POTEC: variants seen among roughly 807,000 people sequenced by gnomAD.
POTEC encodes the protein ANKRD26-like family B member 2.
Under a neutral mutation model 62.0 loss-of-function variants are expected in POTEC, and 35 were observed. The ratio of observed to expected loss-of-function variants is 0.56; its 90% CI spans 0.43 to 0.75. POTEC has a LOEUF of 0.75. Among genes scored for constraint, POTEC ranks in the 30% least tolerant of loss-of-function variants. The pLI is 0.00. For synonymous variants in POTEC, 156 were observed against 221.5 expected (o/e 0.70, Z 2.62); for missense variants, 472 against 655.9 (o/e 0.72, Z 3.06).
chr18:14,542,944 C>T lies in POTEC; in HGVS notation c.203G>A (p.Cys68Tyr), dbSNP rs1906002933. 6.4e-7 allele frequency: 1 copy of T among 1,554,648 alleles called. No individual in the cohort carries two copies. The highest frequency in any genetic ancestry group is 1.4e-5 in the African/African-American group (1 of 72,352). The change falls in exon 1 of 11, where the codon TGC (cysteine) becomes TAC (tyrosine). Residue 68 changes from cysteine to tyrosine, a missense_variant. Transcript: ENST00000358970. ...GCCGCTCCCCCTGCAGCAGGGGAAG[C>T]AGTGGTGGCAACACTTGCCCATCTT... ...RSKMGKCCHH[C>Y]FPCCRGSGTS...
chr18:14,517,087 AT>A (rs961545162), intron 9 of POTEC, among the ~76,000 whole-genome samples: 72 of 148,982 alleles, frequency 4.8e-4, no homozygotes, highest in African/African-American at 1.5e-3. Context: ...AGAAATATGT[AT>A]TTTTTTAAAA....
chr18:14,542,314 T>C (rs1332940818), intron 1 of POTEC, among the ~76,000 whole-genome samples: 4 of 152,220 alleles, frequency 2.6e-5, no homozygotes, highest in Non-Finnish European at 4.4e-5. Context: ...CTATAGTGTA[T>C]AGAACATTGT....
rs1905693039 is a variant in POTEC at position 14,535,796 on chromosome 18, C to T, written c.811-789G>A. Among the ~76,000 whole-genome samples, 2 of 151,686 alleles carry T rather than the reference C, an allele frequency of 1.3e-5. 1 individual carries two copies. The highest frequency in any genetic ancestry group is 4.1e-4 in the South Asian group (2 of 4,822). ...TGACCTAAGCACTTGAATGATTGAACAAAGGGACACAAAGTCCTGAGAGAG... is the reference window on the plus strand; with the variant it reads ...TGACCTAAGCACTTGAATGATTGAATAAAGGGACACAAAGTCCTGAGAGAG... On this transcript the variant is annotated intron_variant, in intron 3 of 10. Transcript: ENST00000358970.
chr18:14,524,868 G>T, intron 7 of POTEC, 45 bp downstream of exon 7: 1 of 1,593,334 alleles, frequency 6.3e-7, no homozygotes, highest in Non-Finnish European at 8.5e-7. Flanking sequence ...TTAAAGCAAA[G>T]AAAACAACAT....
At chr18:14,532,122 A>G (rs1249132444) in intron 5 of POTEC, among the ~76,000 whole-genome samples, 1 of 151,770 alleles carries the variant, frequency 6.6e-6, no homozygotes, top group Non-Finnish European at 1.5e-5. Flanking sequence ...AGAAGAAACA[A>G]ACACTGATCT....
Position 14,517,611 on chromosome 18 carries a change from C to G in POTEC, c.1410-3826G>C, listed in dbSNP as rs9963432. ...GCGCAGTGGCTCATGCCTGTAATCC[C>G]AGCACTTTGAAAGGCCGAAGTGGGT... On this transcript the variant is annotated intron_variant, in intron 9 of 10. Transcript: ENST00000358970. 7.8e-3 allele frequency among the ~76,000 whole-genome samples: 1,185 copies of G among 152,068 alleles called. 18 individuals carry two copies. The highest frequency in any genetic ancestry group is 0.027 in the African/African-American group (1,130 of 41,458).
chr18:14,534,159 G>A (rs998525301), intron 4 of POTEC, among the ~76,000 whole-genome samples: 1 of 139,322 alleles, frequency 7.2e-6, no homozygotes, highest in Non-Finnish European at 1.5e-5. Flanking sequence ...CCACCTATGA[G>A]TGAGAATATG....
At chr18:14,512,960 T>TTC (rs1381651022) in intron 10 of POTEC, among the ~76,000 whole-genome samples, 1 of 152,240 alleles carries the variant, frequency 6.6e-6, no homozygotes. Flanking sequence ...AAGGCTTTTC[T>TTC]TAGAAATCAT....
At position 14,542,698 on chromosome 18, in the gene POTEC, C is replaced by T. The variant is rs1373735568; in HGVS notation, c.449G>A (p.Gly150Asp). ...GATGAGATCCTTTCTGGGGACCTTA[C>T]CCCACCAGGCAGCTCTGTGGAGCTT... is the stretch of plus-strand genomic sequence containing the variant. ...LDKLHRAAWWGKVPRKDLIVM... is the reference protein window; with the variant it reads ...LDKLHRAAWWDKVPRKDLIVM... The change falls in exon 1 of 11, where the codon GGT becomes GAT. Residue 150 changes from glycine (G) to aspartate (D), a missense_variant. Gly to Asp is a moderately conservative substitution (Grantham distance 94). Around this residue, in one of 5 missense-constraint regions of POTEC, gnomAD observed 257 missense variants for 250.7 expected, o/e 1.03. Transcript: ENST00000358970. 2 of 1,612,968 alleles carry T rather than the reference C, an allele frequency of 1.2e-6. No individual in the cohort carries two copies. Among genetic ancestry groups the T allele is most frequent in the East Asian group, 2.2e-5 (1 of 44,856 alleles).
chr18:14,514,620 G>C (rs1264656525), intron 9 of POTEC, among the ~76,000 whole-genome samples: 2 of 152,084 alleles, frequency 1.3e-5, no homozygotes, highest in Non-Finnish European at 1.5e-5. Flanking sequence ...GTATGAGAGA[G>C]AGATGTGAAA....
chr18:14,537,214 A>AAC (rs1905764921), intron 3 of POTEC, among the ~76,000 whole-genome samples: 1 of 73,112 alleles, frequency 1.4e-5, no homozygotes, highest in African/African-American at 5.8e-5. Context: ...CACACACAAA[A>AAC]AAAAAAAAAA....
intron 9 of POTEC, among the ~76,000 whole-genome samples, chr18:14,521,200 A>G (rs1166312479): frequency 3.9e-5 from 6 of 152,198 alleles, no homozygotes; most frequent in Admixed American, 1.3e-4. Context: ...GGCACTGACA[A>G]CAAAAATTTA....
intron 9 of POTEC, among the ~76,000 whole-genome samples, chr18:14,519,698 C>A (rs1910258479): frequency 6.6e-6 from 1 of 152,090 alleles, no homozygotes; most frequent in Non-Finnish European, 1.5e-5. Context: ...GCCTGGGTGA[C>A]AGAGCGAAAC....
At position 14,511,947 on chromosome 18, in the gene POTEC, C is replaced by A; in HGVS notation, c.1580G>T (p.Ser527Ile). ...CATGGCAATTTCTTCCTGCAACATG[C>A]TGTTTTCACGCAAGAGATCTTCTTC... ...KKEEDLLREN[S>I]MLQEEIAMLI... Residue 527 changes from serine to isoleucine, a missense_variant, in exon 11 of 11, where the codon AGC becomes ATC. Transcript: ENST00000358970. 2 of 1,613,808 alleles carry A rather than the reference C, an allele frequency of 1.2e-6. No homozygotes were observed. The highest frequency in any genetic ancestry group is 1.7e-6 in the Non-Finnish European group (2 of 1,179,818).
rs1221879563 is a variant in POTEC at position 14,513,759 on chromosome 18, T to G, written c.1436A>C (p.Gln479Pro). The G allele has an allele frequency of 1.2e-6, 2 of 1,609,980 alleles. No homozygotes were observed. The highest frequency in any genetic ancestry group is 4.5e-5 in the East Asian group (2 of 44,856). The change falls in exon 10 of 11, where the codon CAA (glutamine) becomes CCA (proline). Residue 479 changes from glutamine to proline, a missense_variant. Physicochemically the swap from Gln to Pro is moderately conservative, Grantham distance 76. This residue lies in a region of POTEC where 83 missense variants were observed against 254.3 expected (regional missense o/e 0.33). Coordinates refer to ENST00000358970, the MANE Select transcript of POTEC (RefSeq NM_001137671.2). ...TCCAGTGTTCTGTTCTTCAGAAAGT[T>G]GTTTCCGGGTATCATTTTGTTCGTC... ...HSDEQNDTRKQLSEEQNTGIS... is the reference protein window; with the variant it reads ...HSDEQNDTRKPLSEEQNTGIS...
chr18:14,529,763 A>C (rs1336557480), intron 6 of POTEC, among the ~76,000 whole-genome samples: 2 of 152,142 alleles, frequency 1.3e-5, no homozygotes, highest in Non-Finnish European at 2.9e-5. Context: ...GTTCCAACAA[A>C]GTAAATGTAT....
At chr18:14,526,487 G>A (rs1397839922) in intron 6 of POTEC, among the ~76,000 whole-genome samples, 4 of 152,090 alleles carry the variant, frequency 2.6e-5, no homozygotes, top group Non-Finnish European at 4.4e-5. Context: ...GGTTTAAAAA[G>A]AATGAAAATA....
rs1440392891 is a variant in POTEC at position 14,543,488 on chromosome 18, T to C, written c.-342A>G. 5 of 459,580 alleles carry C rather than the reference T, an allele frequency of 1.1e-5. No individual in the cohort carries two copies. The highest frequency in any genetic ancestry group is 7.9e-5 in the Admixed American group (2 of 25,450). 28.5% of individuals were successfully genotyped at this position (459,580 alleles called of 1,614,324 possible). ...AGGAATGCGAGGGAGGAAACGCCAA[T>C]CCAAGCAAGAAACACCAGGCAAAGC... On this transcript the variant is annotated 5_prime_UTR_variant, in exon 1 of 11. Transcript: ENST00000358970.
Position 14,526,609 on chromosome 18 carries a change from C to T in POTEC, c.1127-1626G>A, listed in dbSNP as rs565129040. Among the ~76,000 whole-genome samples the T allele has an allele frequency of 3.9e-5, 6 of 152,114 alleles. No individual in the cohort carries two copies. In the East Asian group the frequency reaches 9.7e-4, roughly 25 times the overall value. ...CAAGAAAGGGTGACAGCATGCCACA[C>T]AGCAGCAAGAGCAGGAGCGAGGCCT... On this transcript the variant is annotated intron_variant, in intron 6 of 10. Coordinates refer to ENST00000358970, the MANE Select transcript of POTEC (RefSeq NM_001137671.2).
Sources: gnomAD v4.1 joint callset for allele counts (sites outside exome capture counted in the v4.1 genomes callset) on GRCh38, gnomAD v4.1.1 for gene constraint, gnomAD v4.1.1 regional missense constraint, MANE v1.5 for transcripts, NCBI Gene and HGNC (gene_info 2026-07-23, HGNC 2026-07-21) for gene names.